Variants in METTL25 observed in about 807,000 individuals in gnomAD.
The protein encoded by METTL25 is probable methyltransferase-like protein 25.
A neutral mutation model predicts 71.6 loss-of-function variants in METTL25; 64 were observed. The observed-to-expected ratio is 0.89, with a 90% CI of 0.73 to 1.10. METTL25 has a LOEUF of 1.10. METTL25 is among the 50% of genes least tolerant of loss of function. METTL25 has a pLI of 0.00. For synonymous variants in METTL25, 287 were observed against 250.3 expected, an observed-to-expected ratio of 1.15 and a Z score of -1.38; for missense variants, 807 against 707.0, an observed-to-expected ratio of 1.14 and a Z score of -1.60.
chr12:82,364,171 T>C (rs1405176740), intron 1 of METTL25, among the ~76,000 whole-genome samples: 14 of 152,204 alleles, frequency 9.2e-5, no homozygotes, highest in Admixed American at 9.2e-4. Context: ...TGGTTTGGGA[T>C]CTTAAGAGGT....
At chr12:82,469,329 A>C (rs1647532578) in intron 9 of METTL25, among the ~76,000 whole-genome samples, 1 of 152,114 alleles carries the variant, frequency 6.6e-6, no homozygotes, top group Non-Finnish European at 1.5e-5. Flanking sequence ...TAATTTATAA[A>C]GGAAAGAGGT....
At chr12:82,382,433 T>G (rs375360389) in intron 1 of METTL25, among the ~76,000 whole-genome samples, 37 of 152,334 alleles carry the variant, frequency 2.4e-4, no homozygotes, top group African/African-American at 8.9e-4. Context: ...AAACATTCCC[T>G]GGGCTATTGA....
At chr12:82,375,819 T>C (rs1883790135) in intron 1 of METTL25, among the ~76,000 whole-genome samples, 1 of 152,230 alleles carries the variant, frequency 6.6e-6, no homozygotes, top group South Asian at 2.1e-4. Flanking sequence ...TCAGTGGAAT[T>C]TATCCCTTAT....
intron 8 of METTL25, among the ~76,000 whole-genome samples, chr12:82,455,161 TA>T (rs113706646): frequency 0.072 from 10,392 of 144,354 alleles, 511 homozygotes; most frequent in African/African-American, 0.14. Flanking sequence ...CCTTTTGGAT[TA>T]AAAAAAAAAA....
intron 5 of METTL25, among the ~76,000 whole-genome samples, chr12:82,425,835 G>A (rs1888965422): frequency 6.6e-6 from 1 of 152,022 alleles, no homozygotes; most frequent in African/African-American, 2.4e-5. Context: ...GTTTAGTTAG[G>A]TGGATAATGA....
intron 1 of METTL25, among the ~76,000 whole-genome samples, chr12:82,377,819 A>G (rs893008267): frequency 5.3e-5 from 8 of 152,230 alleles, no homozygotes; most frequent in Admixed American, 2.0e-4. Context: ...AATGAATGCT[A>G]TAGAACCACT....
chr12:82,410,730 A>G (rs1887495859), intron 5 of METTL25, among the ~76,000 whole-genome samples: 1 of 152,088 alleles, frequency 6.6e-6, no homozygotes, highest in Non-Finnish European at 1.5e-5. Flanking sequence ...GGAAACTATG[A>G]GCCATAAAGT....
chr12:82,456,118 A>AT (rs990589080), intron 8 of METTL25, among the ~76,000 whole-genome samples: 1 of 151,810 alleles, frequency 6.6e-6, no homozygotes, highest in African/African-American at 2.4e-5. Flanking sequence ...TTCGTAGTTA[A>AT]TTTTTTTATC....
At chr12:82,364,504 T>C (rs1324782434) in intron 1 of METTL25, among the ~76,000 whole-genome samples, 1 of 152,246 alleles carries the variant, frequency 6.6e-6, no homozygotes, top group Non-Finnish European at 1.5e-5. Context: ...TACTGAGAAA[T>C]TTTTCATGTT....
intron 8 of METTL25, among the ~76,000 whole-genome samples, chr12:82,446,515 A>C (rs1260865729): frequency 6.6e-6 from 1 of 151,826 alleles, no homozygotes; most frequent in Non-Finnish European, 1.5e-5. Context: ...TAACAAGAGA[A>C]CCTTTGGAAA....
chr12:82,460,234 T>A (rs572233188), intron 9 of METTL25, among the ~76,000 whole-genome samples: 3 of 152,118 alleles, frequency 2.0e-5, no homozygotes, highest in Non-Finnish European at 4.4e-5. Flanking sequence ...TTATATAGAT[T>A]TACTGTAAAA....
At chr12:82,470,488 T>C (rs1199048379) in intron 9 of METTL25, among the ~76,000 whole-genome samples, 1 of 152,196 alleles carries the variant, frequency 6.6e-6, no homozygotes, top group African/African-American at 2.4e-5. Flanking sequence ...CTACTATGTT[T>C]GTGCCACAAT....
chr12:82,368,318 A>AT (rs1479133939), intron 1 of METTL25, among the ~76,000 whole-genome samples: 2 of 151,932 alleles, frequency 1.3e-5, no homozygotes, highest in African/African-American at 2.4e-5. Flanking sequence ...TGGTGCCTAC[A>AT]TTTTTTTTAG....
At chr12:82,378,841 AACAT>A (rs1884150135) in intron 1 of METTL25, among the ~76,000 whole-genome samples, 1 of 152,094 alleles carries the variant, frequency 6.6e-6, no homozygotes, top group African/African-American at 2.4e-5. Context: ...CAGCCTGAGT[AACAT>A]AGTGAGACCC....
chr12:82,375,392 A>C (rs976339053), intron 1 of METTL25, among the ~76,000 whole-genome samples: 1 of 152,054 alleles, frequency 6.6e-6, no homozygotes, highest in Non-Finnish European at 1.5e-5. Context: ...TGTACCAACT[A>C]TGCTGGCGAT....
chr12:82,464,943 T>C (rs548102274), intron 9 of METTL25, among the ~76,000 whole-genome samples: 1 of 152,056 alleles, frequency 6.6e-6, no homozygotes, highest in African/African-American at 2.4e-5. Context: ...AATTTTTGTA[T>C]GTTGATTTTA....
chr12:82,478,003 A>C (rs1592790976), intron 11 of METTL25, among the ~76,000 whole-genome samples: 1 of 151,754 alleles, frequency 6.6e-6, no homozygotes, highest in East Asian at 1.9e-4. Context: ...TTACTTTCTT[A>C]TTTTCCTAAT....
chr12:82,477,785 G>A (rs1044951232), intron 11 of METTL25, among the ~76,000 whole-genome samples: 1 of 151,500 alleles, frequency 6.6e-6, no homozygotes, highest in Non-Finnish European at 1.5e-5. Flanking sequence ...GATTCCTTCT[G>A]TTTTTTTCAC....
chr12:82,440,113 T>C (rs530482630), intron 8 of METTL25, among the ~76,000 whole-genome samples: 10 of 151,996 alleles, frequency 6.6e-5, no homozygotes, highest in Non-Finnish European at 1.5e-4. Flanking sequence ...CTGTATTCTC[T>C]GAGTTTCATT....
Sources: gnomAD v4.1 joint callset for allele counts (sites outside exome capture counted in the v4.1 genomes callset) on GRCh38, gnomAD v4.1.1 for gene constraint, MANE v1.5 for transcripts, NCBI Gene and HGNC (gene_info 2026-07-23, HGNC 2026-07-21) for gene names.